GLMN: variants seen among roughly 807,000 people sequenced by gnomAD.
The protein encoded by GLMN is glomulin, FKBP associated protein.
A neutral mutation model predicts 87.8 loss-of-function variants in GLMN; 75 were observed. The ratio of observed to expected loss-of-function variants is 0.85; its 90% CI spans 0.71 to 1.04. GLMN has a LOEUF of 1.04. GLMN is among the 50% of genes least tolerant of loss of function. The pLI is 0.00. For synonymous variants in GLMN, 206 were observed against 221.6 expected, an observed-to-expected ratio of 0.93 and a Z score of 0.63; for missense variants, 588 against 658.8, an observed-to-expected ratio of 0.89 and a Z score of 1.18.
chr1:92,326,849 G>C, the GLMN span, among the ~76,000 whole-genome samples: 5 of 152,214 alleles, frequency 3.3e-5, no homozygotes. Context: ...GGGCAGGAAG[G>C]GCTGAGAACT....
chr1:92,325,302 G>A, the GLMN span, among the ~76,000 whole-genome samples: 1 of 152,136 alleles, frequency 6.6e-6, no homozygotes, highest in African/African-American at 2.4e-5. Context: ...GATTTGGAAA[G>A]AGGGTAGAAG....
At chr1:92,264,374 A>G (rs563388021) in intron 14 of GLMN, among the ~76,000 whole-genome samples, 180 bp downstream of exon 14, 2 of 152,020 alleles carry the variant, frequency 1.3e-5, no homozygotes, top group South Asian at 2.1e-4. Context: ...ATAGTTAACT[A>G]AATTTCCAAA....
chr1:92,297,228 G>A lies in GLMN; in HGVS notation c.165+176C>T, dbSNP rs35868947. 2.0e-5 allele frequency among the ~76,000 whole-genome samples: 3 copies of A among 150,056 alleles called. No individual in the cohort carries two copies. The Admixed American group carries it at 2.0e-4, about 10-fold the overall frequency. On this transcript the variant is annotated intron_variant, in intron 3 of 18. Coordinates refer to ENST00000370360, the MANE Select transcript of GLMN (RefSeq NM_053274.3). ...TGGCCTCCCATAACGCTGTGATTACGAACGTGAGCCACTGCGCCTGGCCTA... is the reference window on the plus strand; with the variant it reads ...TGGCCTCCCATAACGCTGTGATTACAAACGTGAGCCACTGCGCCTGGCCTA...
chr1:92,290,898 T>C (rs1649328507), intron 4 of GLMN, among the ~76,000 whole-genome samples: 1 of 152,346 alleles, frequency 6.6e-6, no homozygotes, highest in South Asian at 2.1e-4. Flanking sequence ...TAAACTCTAC[T>C]AGCCTTTTAC....
In GLMN at chr1:92,297,386, C is replaced by G; in HGVS notation, c.165+18G>C. The G allele has an allele frequency of 2.5e-6, 4 of 1,609,526 alleles. No homozygotes were observed. The highest frequency in any genetic ancestry group is 3.4e-6 in the Non-Finnish European group (4 of 1,177,602). ...TCTCTTCCCAAGACTGAAAAGTAAA[C>G]ACCAAGATTGTACGCACCTTATTCT... On this transcript the variant is annotated intron_variant, in intron 3 of 18. Transcript: ENST00000370360.
Position 92,269,791 on chromosome 1 carries a change from A to C in GLMN, c.924-15T>G. 1 of 1,494,878 alleles carries C rather than the reference A, an allele frequency of 6.7e-7. No homozygotes were observed. The highest frequency in any genetic ancestry group is 9.3e-7 in the Non-Finnish European group (1 of 1,072,036). The allele number at this position is 1,494,878 out of a possible 1,614,324, so 92.6% of individuals were successfully genotyped here. A position where few individuals can be genotyped will look rare whatever the true frequency, so the allele number is the denominator to read the frequency against. ...GGTACAATGGGCTAAAATAGAAACA[A>C]AACAAATATATATATTATACACACA... On this transcript the variant is annotated splice_polypyrimidine_tract_variant and intron_variant, in intron 8 of 18. Coordinates refer to ENST00000370360, the MANE Select transcript of GLMN (RefSeq NM_053274.3).
intron 7 of GLMN, among the ~76,000 whole-genome samples, chr1:92,273,042 G>A (rs1260430452): frequency 6.6e-5 from 10 of 152,200 alleles, no homozygotes; most frequent in Non-Finnish European, 2.9e-5. Flanking sequence ...GACAAAAACA[G>A]CTAAAGCAGA....
At chr1:92,309,590 TACACATAC>T in the GLMN span, among the ~76,000 whole-genome samples, 1 of 101,232 alleles carries the variant, frequency 9.9e-6, no homozygotes, top group African/African-American at 6.1e-5. Context: ...TACATACACA[TACACATAC>T]ACATACACAT....
chr1:92,258,763 G>A (rs1423135668), intron 16 of GLMN, among the ~76,000 whole-genome samples: 2 of 152,090 alleles, frequency 1.3e-5, no homozygotes, highest in African/African-American at 4.8e-5. Context: ...GGGTTCGGGG[G>A]CTAGGGGAGG....
At chr1:92,308,122 C>T in the GLMN span, among the ~76,000 whole-genome samples, 7 of 151,788 alleles carry the variant, frequency 4.6e-5, no homozygotes, top group African/African-American at 1.2e-4. Context: ...ATGCGTAAGG[C>T]GATGTAACAC....
rs189087975 is a variant in GLMN, at chr1:92,289,618, C to T, written c.395-467G>A. Among the ~76,000 whole-genome samples, 10 of 152,174 alleles carry T rather than the reference C, an allele frequency of 6.6e-5. No individual in the cohort carries two copies. In the East Asian group the frequency reaches 9.6e-4, roughly 15 times the overall value. ...TCCCTCTATCAGATTGTGAGATAAA[C>T]GAATTTCCTAAAATGAAAAATAACC... On this transcript the variant is annotated intron_variant, in intron 5 of 18. Coordinates refer to ENST00000370360, the MANE Select transcript of GLMN (RefSeq NM_053274.3).
chr1:92,368,990 T>C, the GLMN span, among the ~76,000 whole-genome samples: 1 of 152,254 alleles, frequency 6.6e-6, no homozygotes, highest in South Asian at 2.1e-4. Flanking sequence ...ATTTATACAT[T>C]GTAAGTTTTT....
the GLMN span, among the ~76,000 whole-genome samples, chr1:92,330,304 C>T: frequency 6.6e-6 from 1 of 152,048 alleles, no homozygotes; most frequent in African/African-American, 2.4e-5. Context: ...TGGTTGTAAT[C>T]ATTTGGTAAA....
At chr1:92,323,474 G>A in the GLMN span, 6 of 1,609,374 alleles carry the variant, frequency 3.7e-6, no homozygotes, top group Non-Finnish European at 5.1e-6. Context: ...GTACAGTTAT[G>A]CAGTAAAGCC....
At chr1:92,263,005 C>A in intron 15 of GLMN, 79 bp from the exon 16 acceptor site, 1 of 644,826 alleles carries the variant, frequency 1.6e-6, no homozygotes, top group South Asian at 1.7e-5. Context: ...AAACTTTGGT[C>A]ATATTTTTAT....
chr1:92,352,448 GTT>G, the GLMN span, among the ~76,000 whole-genome samples: 2 of 151,982 alleles, frequency 1.3e-5, no homozygotes, highest in East Asian at 1.9e-4. Flanking sequence ...TCAGCAGGCT[GTT>G]TTTTTTTAAA....
rs1197632419 is a variant in GLMN, at chr1:92,266,430, A to G, written c.1203T>C (p.Tyr401=). 5 of 1,530,744 alleles carry G rather than the reference A, an allele frequency of 3.3e-6. No homozygotes were observed. Among genetic ancestry groups the G allele is most frequent in the African/African-American group, 1.4e-5 (1 of 73,256 alleles). 94.8% of individuals were successfully genotyped at this position (1,530,744 alleles called of 1,614,324 possible). Residue 401 remains tyrosine (Y), a synonymous_variant, in exon 13 of 19, where the codon TAT becomes TAC. Coordinates refer to ENST00000370360, the MANE Select transcript of GLMN (RefSeq NM_053274.3). The part of the protein sequence containing the change: ...YINKLDSQGK[Y]TLFRCLLNTS... ...TGCTTGATACATACCTAAATAATGT[A>G]TATTTGCCTTGTGAATCCAACTTGT...
At chr1:92,308,745 A>C in the GLMN span, among the ~76,000 whole-genome samples, 2 of 152,146 alleles carry the variant, frequency 1.3e-5, no homozygotes, top group African/African-American at 4.8e-5. Context: ...GGATCACTTG[A>C]GTTTAGGAAT....
At chr1:92,307,260 G>C in the GLMN span, 1 of 1,609,776 alleles carries the variant, frequency 6.2e-7, no homozygotes, top group Non-Finnish European at 8.5e-7. Flanking sequence ...TCCAGTATGG[G>C]TTCGAGAAGA....
Sources: gnomAD v4.1 joint callset for allele counts (sites outside exome capture counted in the v4.1 genomes callset) on GRCh38, gnomAD v4.1.1 for gene constraint, MANE v1.5 for transcripts, NCBI Gene and HGNC (gene_info 2026-07-23, HGNC 2026-07-21) for gene names.